MTURN: variants seen among roughly 807,000 people sequenced by gnomAD.
The protein encoded by MTURN is maturin, neural progenitor differentiation regulator homolog.
MTURN carries 7 observed loss-of-function variants against 14.9 expected under a neutral mutation model. The observed-to-expected ratio is 0.47, with a 90% CI of 0.27 to 0.88. The LOEUF is 0.88. Among genes scored for constraint, MTURN ranks in the 40% least tolerant of loss-of-function variants. The pLI is 0.14. For missense variants in MTURN, 151 were observed against 174.1 expected (o/e 0.87, Z 0.75); for synonymous variants, 69 against 72.5 (o/e 0.95, Z 0.25).
chr7:30,138,302 A>G (rs1231825547), intron 1 of MTURN, among the ~76,000 whole-genome samples: 1 of 152,068 alleles, frequency 6.6e-6, no homozygotes, highest in Non-Finnish European at 1.5e-5. Context: ...TTTCGTAGAG[A>G]CAGGGTTTTG....
intron 1 of MTURN, among the ~76,000 whole-genome samples, chr7:30,141,698 T>C (rs1280581755): frequency 6.6e-6 from 1 of 152,110 alleles, no homozygotes; most frequent in Non-Finnish European, 1.5e-5. Flanking sequence ...ATTTTTCTTA[T>C]TTTTTGTGGA....
intron 2 of MTURN, among the ~76,000 whole-genome samples, chr7:30,148,974 C>T (rs527588340): frequency 6.6e-6 from 1 of 152,282 alleles, no homozygotes; most frequent in African/African-American, 2.4e-5. Flanking sequence ...CAGGGGCTCA[C>T]TCATTGACCT....
At chr7:30,140,593 C>G (rs1228626479) in intron 1 of MTURN, among the ~76,000 whole-genome samples, 1 of 152,142 alleles carries the variant, frequency 6.6e-6, no homozygotes, top group East Asian at 1.9e-4. Context: ...GTTTCCTCCT[C>G]TGTCAGATAG....
chr7:30,152,086 A>AT (rs1397187594), intron 2 of MTURN, among the ~76,000 whole-genome samples: 3 of 152,188 alleles, frequency 2.0e-5, no homozygotes, highest in Admixed American at 2.0e-4. Flanking sequence ...ATGAGAAAAG[A>AT]TTATGCACAC....
chr7:30,152,811 A>G (rs1192942730), intron 2 of MTURN, among the ~76,000 whole-genome samples: 2 of 152,184 alleles, frequency 1.3e-5, no homozygotes, highest in East Asian at 1.9e-4. Flanking sequence ...AGTCGGCCCT[A>G]CAGATAACAG....
At chr7:30,139,755 G>A (rs1247310423) in intron 1 of MTURN, among the ~76,000 whole-genome samples, 1 of 151,634 alleles carries the variant, frequency 6.6e-6, no homozygotes, top group Admixed American at 6.6e-5. Flanking sequence ...CTCCATTTTG[G>A]GTCCCTTGCA....
chr7:30,138,608 G>T (rs1797002566), intron 1 of MTURN, among the ~76,000 whole-genome samples: 1 of 151,930 alleles, frequency 6.6e-6, no homozygotes. Flanking sequence ...CTGAAGTGGA[G>T]GTACTAAATA....
At chr7:30,136,389 A>C (rs1796961752) in intron 1 of MTURN, among the ~76,000 whole-genome samples, 2 of 152,166 alleles carry the variant, frequency 1.3e-5, no homozygotes, top group Admixed American at 1.3e-4. Context: ...CCCCAAATGT[A>C]AGATGGAGGC....
rs1797350644 is a variant in MTURN, at chr7:30,160,345, G to A, written c.*2797G>A. On this transcript the variant is annotated 3_prime_UTR_variant, in exon 3 of 3. Coordinates refer to ENST00000324453, the MANE Select transcript of MTURN (RefSeq NM_152793.3). The stretch of plus-strand genomic sequence containing the variant: ...TCTCTTCCTTAGAGGAAAGGGAAAG[G>A]TGAGGCCCCAGAGGACTTATCTCAG... The A allele has an allele frequency of 6.6e-6, 1 of 152,304 alleles. No homozygotes were observed. The highest frequency in any genetic ancestry group is 6.5e-5 in the Admixed American group (1 of 15,292). The allele number at this position is 152,304 out of a possible 1,614,324, so 9.4% of individuals were successfully genotyped here.
chr7:30,144,848 A>G (rs141681755), intron 1 of MTURN, among the ~76,000 whole-genome samples: 174 of 151,692 alleles, frequency 1.1e-3, no homozygotes, highest in Non-Finnish European at 1.9e-3. Flanking sequence ...ATGTCTCCAC[A>G]TAAGTCTTCT....
rs1488773440 is a variant in MTURN at position 30,135,091 on chromosome 7, A to G, written c.-46A>G. The G allele has an allele frequency of 1.5e-6, 2 of 1,365,192 alleles. No individual in the cohort carries two copies. Among genetic ancestry groups the G allele is most frequent in the Non-Finnish European group, 1.9e-6 (2 of 1,041,442 alleles). The allele number at this position is 1,365,192 out of a possible 1,614,324, so 84.6% of individuals were successfully genotyped here. A position where few individuals can be genotyped will look rare whatever the true frequency, so the allele number is the denominator to read the frequency against. ...CTGCCCGCCCGGGAGGAGGGCGCCT[A>G]GGAGCGGGAGGGCGGGCGGCGGCGG... On this transcript the variant is annotated 5_prime_UTR_variant, in exon 1 of 3. Transcript: ENST00000324453.
rs1797355415 is a variant in MTURN, at chr7:30,160,575, A to AGT, written c.*3036_*3037dup. ...AGTGAAAGTAACGTGAGAGAGAAAG[A>AGT]GTGTGTGTGTATATGTGAGAGAGAG... is the stretch of plus-strand genomic sequence containing the variant. On this transcript the variant is annotated 3_prime_UTR_variant, in exon 3 of 3. Coordinates refer to ENST00000324453, the MANE Select transcript of MTURN (RefSeq NM_152793.3). The AGT allele has an allele frequency of 2.6e-5, 4 of 152,154 alleles. No homozygotes were observed. Among genetic ancestry groups the AGT allele is most frequent in the Non-Finnish European group, 5.9e-5 (4 of 68,054 alleles). 9.4% of individuals were successfully genotyped at this position (152,154 alleles called of 1,614,324 possible).
At chr7:30,146,134 T>C (rs757709372) in intron 1 of MTURN, 43 bp from the exon 2 acceptor site, 3 of 1,612,214 alleles carry the variant, frequency 1.9e-6, no homozygotes, top group Non-Finnish European at 2.5e-6. Flanking sequence ...GTGTAGTGAC[T>C]GTGTGTCTTT....
intron 1 of MTURN, among the ~76,000 whole-genome samples, chr7:30,136,128 T>TG (rs11393796): frequency 1 from 152,340 of 152,342 alleles, 76,169 homozygotes; most frequent in Middle Eastern, 1. Flanking sequence ...GCCGAGGCGG[T>TG]GCCCTGGCCC....
chr7:30,135,952 G>A (rs1165075400), intron 1 of MTURN, among the ~76,000 whole-genome samples: 2 of 151,820 alleles, frequency 1.3e-5, no homozygotes, highest in African/African-American at 2.4e-5. Flanking sequence ...ACGCACGCGC[G>A]CCTGCGCATA....
chr7:30,137,634 G>A (rs1293274648), intron 1 of MTURN: 2 of 471,070 alleles, frequency 4.2e-6, no homozygotes, highest in East Asian at 1.4e-4. Context: ...AGGCTCTAAT[G>A]GACAAGATGC....
At chr7:30,144,048 G>A (rs1016111211) in intron 1 of MTURN, among the ~76,000 whole-genome samples, 2 of 152,226 alleles carry the variant, frequency 1.3e-5, no homozygotes, top group African/African-American at 4.8e-5. Flanking sequence ...TACTCATTGT[G>A]TGACCATAGC....
chr7:30,139,798 C>G (rs998132779), intron 1 of MTURN, among the ~76,000 whole-genome samples: 3 of 152,178 alleles, frequency 2.0e-5, no homozygotes, highest in African/African-American at 7.2e-5. Flanking sequence ...ACAGGCCATC[C>G]CATCCATGCC....
rs1797341477 is a variant in MTURN, at chr7:30,159,705, C to G, written c.*2157C>G. 6.6e-6 allele frequency: 1 copy of G among 152,662 alleles called. No individual in the cohort carries two copies. The highest frequency in any genetic ancestry group is 2.4e-5 in the African/African-American group (1 of 41,460). The allele number at this position is 152,662 out of a possible 1,614,324, so 9.5% of individuals were successfully genotyped here. On this transcript the variant is annotated 3_prime_UTR_variant, in exon 3 of 3. Transcript: ENST00000324453. The stretch of plus-strand genomic sequence containing the variant: ...AGAACATGTCTGTATGTTACTTAAT[C>G]TCCATAGCAAAATCCCAAACAGCAT...
Sources: allele counts gnomAD v4.1 joint callset (sites outside exome capture counted in the v4.1 genomes callset), GRCh38; gene constraint gnomAD v4.1.1; transcripts MANE v1.5; gene names NCBI Gene and HGNC (gene_info 2026-07-23, HGNC 2026-07-21).